The following HEXA variants were observed in gnomAD, a reference collection of about 807,000 sequenced individuals.
HEXA encodes the protein beta-hexosaminidase subunit alpha.
A neutral mutation model predicts 73.3 loss-of-function variants in HEXA; 54 were observed. The ratio of observed to expected loss-of-function variants is 0.74; its 90% confidence interval spans 0.59 to 0.92. The LOEUF is 0.92. Ranked by LOEUF, HEXA falls within the 40% of genes least tolerant of loss-of-function variation. The pLI is 0.00. For missense variants in HEXA, 649 were observed against 653.0 expected (o/e 0.99, Z 0.07); for synonymous variants, 230 against 246.9 (o/e 0.93, Z 0.64).
chr15:72,344,718 A>T (rs2088587643), intron 13 of HEXA, among the ~76,000 whole-genome samples: 1 of 152,346 alleles, frequency 6.6e-6, no homozygotes, highest in South Asian at 2.1e-4. Context: ...GAATGACATA[A>T]TTGAGGCTTA....
At chr15:72,360,298 C>T (rs911502789) in intron 1 of HEXA, 4 of 152,724 alleles carry the variant, frequency 2.6e-5, no homozygotes, top group Non-Finnish European at 5.9e-5. Flanking sequence ...TTGATGCTAC[C>T]CTGAAAATCT....
At chr15:72,370,623 G>A in intron 1 of HEXA, 1 of 397,680 alleles carries the variant, frequency 2.5e-6, no homozygotes, top group Non-Finnish European at 4.4e-6. Flanking sequence ...CTTGAGTCCT[G>A]GAGTTCGAGG....
chr15:72,346,391 C>G (rs929725316), intron 11 of HEXA, 66 bp from the exon 12 acceptor site: 2 of 1,507,240 alleles, frequency 1.3e-6, no homozygotes, highest in Non-Finnish European at 1.8e-6. Flanking sequence ...TCTCAACCAC[C>G]TTCCCAATGT....
At chr15:72,371,054 A>G (rs1027692071) in intron 1 of HEXA, among the ~76,000 whole-genome samples, 2 of 152,198 alleles carry the variant, frequency 1.3e-5, no homozygotes, top group Non-Finnish European at 2.9e-5. Flanking sequence ...GGGAAAGGTT[A>G]AAGTATAGTT....
chr15:72,347,707 C>T lies in HEXA; in HGVS notation c.1125G>A (p.Glu375=). ...TCACCTTTACTTTATTATCAAACAC[C>T]TCCTGCCACACCACATAGCCCTTGC... is the stretch of plus-strand genomic sequence containing the variant. ...SYGKGYVVWQ[E]VFDNKVKIQP... Residue 375 remains glutamate (E), a synonymous_variant, in exon 10 of 14, where the codon GAG becomes GAA. Coordinates refer to ENST00000268097, the MANE Select transcript of HEXA (RefSeq NM_000520.6). 4 of 1,614,206 alleles carry T rather than the reference C, an allele frequency of 2.5e-6. No individual in the cohort carries two copies. Among genetic ancestry groups the T allele is most frequent in the Non-Finnish European group, 3.4e-6 (4 of 1,180,030 alleles).
At chr15:72,351,347 C>T (rs2088693689) in intron 5 of HEXA, 113 bp from the exon 6 acceptor site, 1 of 749,586 alleles carries the variant, frequency 1.3e-6, no homozygotes, top group African/African-American at 1.7e-5. Context: ...CAGGCTTGAC[C>T]TGCCTCAGCT....
chr15:72,354,834 G>C (rs1280997349), intron 3 of HEXA: 4 of 152,534 alleles, frequency 2.6e-5, no homozygotes, highest in African/African-American at 9.7e-5. Flanking sequence ...GGCACCAAAT[G>C]CCTTCTCAGT....
At chr15:72,345,084 C>T in intron 13 of HEXA, 1 of 338,092 alleles carries the variant, frequency 3.0e-6, no homozygotes, top group South Asian at 2.4e-5. Flanking sequence ...TGTTTCAGGA[C>T]CCCCGTGGAT....
In HEXA at chr15:72,375,897, A is replaced by T; in HGVS notation, c.76T>A (p.Trp26Arg). ...TCGGAGGTTTGGAAGTTCTGAGGCC[A>T]GGGCCAGAGGGCCGTCGCCCGTCCT... ...FAGRATALWP[W>R]PQNFQTSDQR... The change falls in exon 1 of 14, where the codon TGG becomes AGG. Residue 26 changes from tryptophan (W) to arginine (R), a missense_variant. By Grantham distance (101) the Trp-to-Arg change is moderately radical. Transcript: ENST00000268097. 6.2e-7 allele frequency: 1 copy of T among 1,614,222 alleles called. No homozygotes were observed. Among genetic ancestry groups the T allele is most frequent in the South Asian group, 1.1e-5 (1 of 91,086 alleles).
intron 8 of HEXA, 60 bp downstream of exon 8, chr15:72,349,019 A>C: frequency 1.4e-6 from 2 of 1,417,126 alleles, no homozygotes; most frequent in South Asian, 2.3e-5. Flanking sequence ...CTCGGGTGCT[A>C]ACTTCTATTC....
chr15:72,349,299 A>G (rs1595799218), intron 7 of HEXA, 40 bp from the exon 8 acceptor site: 1 of 1,499,342 alleles, frequency 6.7e-7, no homozygotes, highest in Non-Finnish European at 9.3e-7. Context: ...TCACAAATAC[A>G]TAAACCCCCA....
rs387906309 is a variant in HEXA at position 72,346,579 on chromosome 15, G to GGATA, written c.1274_1277dup (p.Tyr427IlefsTer5). On this transcript the variant is annotated frameshift_variant, in exon 11 of 14. Transcript: ENST00000268097. LOFTEE classifies it high-confidence loss of function. ...AGAAATCCTTCCAGTCAGGGCCATA[G>GGATA]GATATACGGTTCAGGTACCAGGGGG... The GGATA allele has an allele frequency of 5.4e-4, 868 of 1,613,952 alleles. No individual in the cohort carries two copies. Among genetic ancestry groups the GGATA allele is most frequent in the Non-Finnish European group, 3.2e-4 (380 of 1,179,986 alleles).
In HEXA at chr15:72,346,538, A is replaced by G. The variant is rs752223090; in HGVS notation, c.1319T>C (p.Leu440Pro). ...CTCTCTGCTTTCACCTTCAAATGCC[A>G]GGGGTTCCACTATGTAGAAATCCTT... ...DWKDFYIVEPLAFEGTPEQKA... is the reference protein window; with the variant it reads ...DWKDFYIVEPPAFEGTPEQKA... The change falls in exon 11 of 14, where the codon CTG becomes CCG. Residue 440 changes from leucine (L) to proline (P), a missense_variant. Transcript: ENST00000268097. 4 of 1,613,932 alleles carry G rather than the reference A, an allele frequency of 2.5e-6. No homozygotes were observed. In the East Asian group the frequency reaches 6.7e-5, roughly 27 times the overall value.
chr15:72,365,470 A>AT (rs2088904843), intron 1 of HEXA, among the ~76,000 whole-genome samples: 2 of 152,052 alleles, frequency 1.3e-5, no homozygotes, highest in South Asian at 4.1e-4. Flanking sequence ...TTTATCCCTT[A>AT]TTTTTTAACC....
intron 13 of HEXA, 103 bp from the exon 14 acceptor site, chr15:72,344,243 T>C: frequency 1.3e-6 from 1 of 787,320 alleles, no homozygotes; most frequent in Non-Finnish European, 2.2e-6. Context: ...TTTCGGTGAC[T>C]CTCAAACTGT....
chr15:72,362,617 G>A (rs1306247888), intron 1 of HEXA, among the ~76,000 whole-genome samples: 2 of 152,166 alleles, frequency 1.3e-5, no homozygotes, highest in East Asian at 1.9e-4. Context: ...TGGGGTGGGC[G>A]ATGCTAAGAA....
At chr15:72,345,744 A>G in intron 12 of HEXA, 194 bp from the exon 13 acceptor site, 1 of 742,302 alleles carries the variant, frequency 1.3e-6, no homozygotes, top group Non-Finnish European at 2.2e-6. Flanking sequence ...CACCTTCATT[A>G]AAATGTGGGT....
chr15:72,375,588 G>A, intron 1 of HEXA, 132 bp downstream of exon 1: 1 of 930,928 alleles, frequency 1.1e-6, no homozygotes, highest in Admixed American at 2.3e-5. Context: ...AATGCAGCTC[G>A]AGGAGGAAGT....
chr15:72,360,905 G>A (rs926273873), intron 1 of HEXA, among the ~76,000 whole-genome samples: 1 of 152,166 alleles, frequency 6.6e-6, no homozygotes, highest in African/African-American at 2.4e-5. Flanking sequence ...TTAGCTCAGT[G>A]CCTGGTACCT....
Sources: gnomAD v4.1 joint callset for allele counts (sites outside exome capture counted in the v4.1 genomes callset) on GRCh38, gnomAD v4.1.1 for gene constraint, MANE v1.5 for transcripts, NCBI Gene and HGNC (gene_info 2026-07-23, HGNC 2026-07-21) for gene names.